NXPE2: variants seen among roughly 807,000 people sequenced by gnomAD.
NXPE2 encodes neurexophilin and PC-esterase domain family member 2, also known as NXPE family member 2.
Under a neutral mutation model 34.4 loss-of-function variants are expected in NXPE2, and 34 were observed. The ratio of observed to expected loss-of-function variants is 0.99; its 90% CI spans 0.75 to 1.31. NXPE2 has a LOEUF of 1.31. Ranked by LOEUF, NXPE2 falls within the 40% of genes most tolerant of loss-of-function variation. The pLI is 0.00. For missense variants in NXPE2, 649 were observed against 672.5 expected (o/e 0.97, Z 0.39); for synonymous variants, 235 against 231.3 (o/e 1.02, Z -0.15).
the NXPE2 span, among the ~76,000 whole-genome samples, chr11:114,661,105 A>T: frequency 6.6e-6 from 1 of 152,206 alleles, no homozygotes; most frequent in Non-Finnish European, 1.5e-5. Flanking sequence ...GAAAGAAATC[A>T]AAGAAGACAT....
chr11:114,775,383 TA>T, the NXPE2 span, among the ~76,000 whole-genome samples: 4 of 152,232 alleles, frequency 2.6e-5, no homozygotes, highest in African/African-American at 4.8e-5. Flanking sequence ...AAGCAGTTGT[TA>T]GGGGGGGCAA....
chr11:114,537,781 A>C, the NXPE2 span, among the ~76,000 whole-genome samples: 1 of 152,000 alleles, frequency 6.6e-6, no homozygotes, highest in Admixed American at 6.6e-5. Flanking sequence ...GAAATAAAAG[A>C]GGATACAAAC....
the NXPE2 span, among the ~76,000 whole-genome samples, chr11:114,632,033 T>A: frequency 6.8e-6 from 1 of 146,144 alleles, no homozygotes; most frequent in Non-Finnish European, 1.5e-5. Context: ...TTATACTTTA[T>A]ATATAATATA....
chr11:114,720,065 T>C, the NXPE2 span, among the ~76,000 whole-genome samples: 1 of 152,226 alleles, frequency 6.6e-6, no homozygotes, highest in Admixed American at 6.5e-5. Flanking sequence ...TTTTCTCACC[T>C]ATCGGCAGCA....
chr11:114,722,425 T>C, the NXPE2 span, among the ~76,000 whole-genome samples: 1 of 152,170 alleles, frequency 6.6e-6, no homozygotes, highest in Non-Finnish European at 1.5e-5. Flanking sequence ...CTTTTTTTTT[T>C]TTAAATAAAT....
chr11:114,663,631 A>G, the NXPE2 span, among the ~76,000 whole-genome samples: 1 of 89,442 alleles, frequency 1.1e-5, no homozygotes, highest in African/African-American at 3.8e-5. Context: ...CTATCTATCT[A>G]TCTATCATCT....
chr11:114,537,028 G>A, the NXPE2 span, among the ~76,000 whole-genome samples: 34,463 of 151,890 alleles, frequency 0.23, 5,497 homozygotes, highest in African/African-American at 0.44. Flanking sequence ...GCAAAAATCC[G>A]CAATAAAATA....
chr11:114,713,049 T>A, the NXPE2 span, among the ~76,000 whole-genome samples: 1 of 152,120 alleles, frequency 6.6e-6, no homozygotes, highest in South Asian at 2.1e-4. Context: ...ACTATAGGAT[T>A]CCACTCCTAT....
At chr11:114,534,799 G>A in the NXPE2 span, among the ~76,000 whole-genome samples, 10 of 152,148 alleles carry the variant, frequency 6.6e-5, no homozygotes, top group East Asian at 1.9e-4. Context: ...CCAAATCTAC[G>A]TCTAATTGGT....
At chr11:114,581,801 T>G in the NXPE2 span, 1 of 1,581,574 alleles carries the variant, frequency 6.3e-7, no homozygotes, top group Non-Finnish European at 8.7e-7. Context: ...AAGACACAAA[T>G]ACAGAAATTA....
the NXPE2 span, among the ~76,000 whole-genome samples, chr11:114,617,806 GATA>G: frequency 6.6e-6 from 1 of 152,086 alleles, no homozygotes; most frequent in African/African-American, 2.4e-5. Context: ...TTACCCGATG[GATA>G]ATAAGTGTTG....
the NXPE2 span, among the ~76,000 whole-genome samples, chr11:114,535,790 T>G: frequency 9.9e-5 from 15 of 152,278 alleles, no homozygotes; most frequent in African/African-American, 3.1e-4. Flanking sequence ...AGCAAGTCCT[T>G]AGTGACCTAC....
chr11:114,530,796 A>G, the NXPE2 span: 6 of 1,614,042 alleles, frequency 3.7e-6, no homozygotes, highest in Non-Finnish European at 5.1e-6. Context: ...CTTTATTCTG[A>G]GTTCAGTCTC....
chr11:114,668,026 C>G, the NXPE2 span, among the ~76,000 whole-genome samples: 1 of 151,826 alleles, frequency 6.6e-6, no homozygotes, highest in South Asian at 2.1e-4. Context: ...TGAGGTTCTA[C>G]AGGTACACAC....
the NXPE2 span, among the ~76,000 whole-genome samples, chr11:114,746,705 G>A: frequency 6.6e-6 from 1 of 152,052 alleles, no homozygotes; most frequent in East Asian, 1.9e-4. Context: ...CAAACAATTA[G>A]CTGGGCTTCC....
chr11:114,697,963 A>G (rs2135559437), intron 2 of NXPE2, 82 bp from the exon 3 acceptor site: 2 of 1,256,092 alleles, frequency 1.6e-6, no homozygotes, highest in East Asian at 5.3e-5. Flanking sequence ...TGAAAGATGT[A>G]AAATAAGCCA....
At chr11:114,493,304 A>G in the NXPE2 span, among the ~76,000 whole-genome samples, 1 of 152,018 alleles carries the variant, frequency 6.6e-6, no homozygotes. Flanking sequence ...AGTTTAGTTC[A>G]TTTACATTCA....
At chr11:114,737,169 G>A in the NXPE2 span, among the ~76,000 whole-genome samples, 40,624 of 152,010 alleles carry the variant, frequency 0.27, 5,922 homozygotes, top group East Asian at 0.43. Context: ...TTTTAGTGCT[G>A]TGTTTTCCTT....
chr11:114,495,813 G>C, the NXPE2 span, among the ~76,000 whole-genome samples: 3 of 152,180 alleles, frequency 2.0e-5, no homozygotes, highest in African/African-American at 7.2e-5. Context: ...TCTGGGAGCT[G>C]GGATCTGGAC....
Sources: allele counts gnomAD v4.1 joint callset (sites outside exome capture counted in the v4.1 genomes callset), GRCh38; gene constraint gnomAD v4.1.1; transcripts MANE v1.5; gene names NCBI Gene and HGNC (gene_info 2026-07-23, HGNC 2026-07-21).